CHCHD3: variants seen among roughly 807,000 people sequenced by gnomAD.
The protein encoded by CHCHD3 is MICOS complex subunit MIC19.
A neutral mutation model predicts 38.2 loss-of-function variants in CHCHD3; 20 were observed. That is an observed-to-expected ratio of 0.52 (90% CI 0.37 to 0.76). The LOEUF is 0.76. Among genes scored for constraint, CHCHD3 ranks in the 30% least tolerant of loss-of-function variants. CHCHD3 has a pLI of 0.00. For synonymous variants in CHCHD3, 82 were observed against 100.0 expected, an observed-to-expected ratio of 0.82 and a Z score of 1.07; for missense variants, 245 against 279.2, an observed-to-expected ratio of 0.88 and a Z score of 0.87.
At chr7:133,078,591 T>C (rs1361967357) in intron 1 of CHCHD3, among the ~76,000 whole-genome samples, 2 of 152,186 alleles carry the variant, frequency 1.3e-5, no homozygotes, top group African/African-American at 4.8e-5. Flanking sequence ...GATGAAATTA[T>C]AGATGCTCCT....
At chr7:132,794,648 G>C (rs867342623) in intron 7 of CHCHD3, among the ~76,000 whole-genome samples, 4 of 152,090 alleles carry the variant, frequency 2.6e-5, no homozygotes, top group Middle Eastern at 3.2e-3. Context: ...AAACATACTA[G>C]CTGAACATAA....
intron 5 of CHCHD3, among the ~76,000 whole-genome samples, chr7:132,852,879 T>C (rs960192784): frequency 3.3e-5 from 5 of 152,202 alleles, no homozygotes; most frequent in Admixed American, 1.3e-4. Flanking sequence ...CAAGAAAAGA[T>C]AGACACATTC....
intron 4 of CHCHD3, among the ~76,000 whole-genome samples, chr7:132,921,219 G>T (rs1318195925): frequency 6.6e-6 from 1 of 151,994 alleles, no homozygotes; most frequent in Non-Finnish European, 1.5e-5. Flanking sequence ...AGATTTGAGG[G>T]TCTATATATA....
intron 2 of CHCHD3, among the ~76,000 whole-genome samples, chr7:133,061,425 A>C (rs1399275072): frequency 6.6e-6 from 1 of 150,588 alleles, no homozygotes; most frequent in Non-Finnish European, 1.5e-5. Context: ...AAGGTCTGCG[A>C]GTGACCCTTG....
chr7:133,012,641 G>A (rs753660485), intron 3 of CHCHD3, among the ~76,000 whole-genome samples: 2 of 151,912 alleles, frequency 1.3e-5, no homozygotes, highest in African/African-American at 2.4e-5. Flanking sequence ...GCATGCACCT[G>A]TAGTCCCAGC....
chr7:132,924,810 C>T (rs1304120223), intron 4 of CHCHD3, among the ~76,000 whole-genome samples: 1 of 152,188 alleles, frequency 6.6e-6, no homozygotes, highest in Non-Finnish European at 1.5e-5. Context: ...CTTTCACCGT[C>T]TTAAAACACA....
chr7:132,864,337 ACACAC>A (rs1475462523), intron 5 of CHCHD3, among the ~76,000 whole-genome samples: 25 of 152,198 alleles, frequency 1.6e-4, no homozygotes, highest in Admixed American at 9.2e-4. Flanking sequence ...AGGAGTCAGA[ACACAC>A]ACGTAACAGT....
intron 5 of CHCHD3, among the ~76,000 whole-genome samples, chr7:132,857,701 C>T (rs929668437): frequency 6.6e-6 from 1 of 152,066 alleles, no homozygotes; most frequent in African/African-American, 2.4e-5. Context: ...AGCCGCTGCG[C>T]CTGGCCTAGG....
chr7:133,042,867 C>T (rs977381467), intron 2 of CHCHD3, among the ~76,000 whole-genome samples: 6 of 151,520 alleles, frequency 4.0e-5, no homozygotes, highest in Non-Finnish European at 7.4e-5. Context: ...TTGTTTGCTT[C>T]GGGTATTCAA....
At chr7:132,909,546 T>C (rs937847342) in intron 4 of CHCHD3, among the ~76,000 whole-genome samples, 6 of 152,230 alleles carry the variant, frequency 3.9e-5, no homozygotes, top group African/African-American at 1.4e-4. Flanking sequence ...CAGTTCTTTA[T>C]AGCAGCATGA....
chr7:132,998,308 T>G (rs1812479141), intron 3 of CHCHD3, among the ~76,000 whole-genome samples: 1 of 152,222 alleles, frequency 6.6e-6, no homozygotes, highest in African/African-American at 2.4e-5. Flanking sequence ...GTTTTAATAT[T>G]TAATGATTCC....
chr7:133,047,312 A>G (rs1275541466), intron 2 of CHCHD3, among the ~76,000 whole-genome samples: 1 of 152,224 alleles, frequency 6.6e-6, no homozygotes, highest in Non-Finnish European at 1.5e-5. Context: ...AATTTTCATA[A>G]GACAATCCAA....
intron 3 of CHCHD3, among the ~76,000 whole-genome samples, chr7:132,985,508 G>A (rs1584621951): frequency 1.3e-5 from 1 of 74,806 alleles, no homozygotes; most frequent in Non-Finnish European, 2.7e-5. Flanking sequence ...GAGGTGGGGG[G>A]GTCAGCCCCC....
chr7:132,858,425 G>A (rs1044195391), intron 5 of CHCHD3, among the ~76,000 whole-genome samples: 6 of 151,852 alleles, frequency 4.0e-5, no homozygotes, highest in African/African-American at 7.3e-5. Flanking sequence ...TATACCTTTC[G>A]TTCTTGACAA....
chr7:132,848,373 C>T (rs1215147974), intron 5 of CHCHD3, among the ~76,000 whole-genome samples: 1 of 152,104 alleles, frequency 6.6e-6, no homozygotes, highest in Non-Finnish European at 1.5e-5. Context: ...GTATGTTTTC[C>T]CAAAGGTGAG....
chr7:132,832,058 C>G (rs530932410), intron 6 of CHCHD3, among the ~76,000 whole-genome samples: 53 of 151,618 alleles, frequency 3.5e-4, no homozygotes, highest in African/African-American at 1.0e-3. Context: ...AAAGTGCAAC[C>G]CCTAAAAAAG....
chr7:133,064,799 CTT>C (rs1814623481), intron 2 of CHCHD3, among the ~76,000 whole-genome samples: 1 of 152,104 alleles, frequency 6.6e-6, no homozygotes, highest in Non-Finnish European at 1.5e-5. Context: ...GGTCATTTGT[CTT>C]GTTTTTTTCC....
intron 5 of CHCHD3, among the ~76,000 whole-genome samples, chr7:132,875,390 C>T (rs148892463): frequency 3.2e-4 from 48 of 152,272 alleles, no homozygotes; most frequent in Non-Finnish European, 5.9e-4. Flanking sequence ...GAATGAGTTC[C>T]GGTCCTCAAA....
chr7:132,999,837 CAAT>C (rs933238517), intron 3 of CHCHD3, among the ~76,000 whole-genome samples: 2 of 152,028 alleles, frequency 1.3e-5, no homozygotes, highest in Admixed American at 1.3e-4. Flanking sequence ...CAGTGACACT[CAAT>C]GATCTATTAT....
Sources: gnomAD v4.1 joint callset for allele counts (sites outside exome capture counted in the v4.1 genomes callset) on GRCh38, gnomAD v4.1.1 for gene constraint, MANE v1.5 for transcripts, NCBI Gene and HGNC (gene_info 2026-07-23, HGNC 2026-07-21) for gene names.